The following DYSF variants were observed in gnomAD, a reference collection of about 807,000 sequenced individuals.
DYSF encodes the protein dystrophy-associated fer-1-like 1.
DYSF carries 212 observed loss-of-function variants against 274.9 expected under a neutral mutation model. The observed-to-expected ratio is 0.77, with a 90% confidence interval of 0.69 to 0.86. DYSF has a LOEUF of 0.86. Among genes scored for constraint, DYSF ranks in the 40% least tolerant of loss-of-function variants. DYSF has a pLI of 0.00. For synonymous variants in DYSF, 1,091 were observed against 1,078.7 expected, an observed-to-expected ratio of 1.01 and a Z score of -0.22; for missense variants, 2,666 against 2,783.2, an observed-to-expected ratio of 0.96 and a Z score of 0.95.
intron 4 of DYSF, among the ~76,000 whole-genome samples, chr2:71,505,833 A>G (rs1315353929): frequency 6.6e-6 from 1 of 152,272 alleles, no homozygotes; most frequent in Non-Finnish European, 1.5e-5. Context: ...TTAAAGCCAG[A>G]ATCGGATCAC....
intron 9 of DYSF, 136 bp from the exon 10 acceptor site, chr2:71,516,853 A>C (rs756419997): frequency 2.5e-4 from 212 of 845,288 alleles, no homozygotes; most frequent in Admixed American, 6.0e-4. Flanking sequence ...AGGGCTAAAC[A>C]CTGCTTAGAA....
chr2:71,625,358 G>A (rs571462178), intron 41 of DYSF, among the ~76,000 whole-genome samples: 18 of 152,188 alleles, frequency 1.2e-4, no homozygotes, highest in South Asian at 1.0e-3. Context: ...TTTTGCGTGC[G>A]TGTTAATTGT....
chr2:71,561,196 G>A (rs1009684424), intron 22 of DYSF, among the ~76,000 whole-genome samples: 1 of 152,166 alleles, frequency 6.6e-6, no homozygotes, highest in Non-Finnish European at 1.5e-5. Context: ...TCTGGGAAGG[G>A]TTCTGTTGTG....
At chr2:71,486,746 A>T (rs1246184676) in intron 3 of DYSF, among the ~76,000 whole-genome samples, 2 of 152,164 alleles carry the variant, frequency 1.3e-5, no homozygotes, top group African/African-American at 4.8e-5. Context: ...TCTGGCTAAA[A>T]TCAGGTTTCC....
At chr2:71,631,141 G>A (rs2094306609) in intron 41 of DYSF, among the ~76,000 whole-genome samples, 1 of 152,176 alleles carries the variant, frequency 6.6e-6, no homozygotes, top group African/African-American at 2.4e-5. Flanking sequence ...CTGAGCAAAG[G>A]AATCAATTAC....
chr2:71,557,402 G>A (rs1460816401), intron 22 of DYSF, among the ~76,000 whole-genome samples: 3 of 152,234 alleles, frequency 2.0e-5, no homozygotes, highest in African/African-American at 7.2e-5. Flanking sequence ...CTGGGTGGGG[G>A]AAGTGGCAGG....
Position 71,535,371 on chromosome 2 carries a change from C to T in DYSF, c.1493+60C>T, listed in dbSNP as rs1482547508. ...TGTCCTGAGGGGGCGCTGGGTCCCT[C>T]AGTTTCATTCGGCTCAGTGACTGGT... On this transcript the variant is annotated intron_variant, in intron 16 of 55. Coordinates refer to ENST00000410020, the MANE Select transcript of DYSF (RefSeq NM_001130987.2). 9 of 1,514,522 alleles carry T rather than the reference C, an allele frequency of 5.9e-6. No individual in the cohort carries two copies. The East Asian group carries it at 1.4e-4, about 23-fold the overall frequency. The allele number at this position is 1,514,522 out of a possible 1,614,324, so 93.8% of individuals were successfully genotyped here.
At chr2:71,480,798 C>A in intron 1 of DYSF, 85 bp from the exon 2 acceptor site, 1 of 1,271,106 alleles carries the variant, frequency 7.9e-7, no homozygotes, top group Non-Finnish European at 1.1e-6. Context: ...CAAGCTGAAG[C>A]ACAGGTCTCA....
At chr2:71,553,765 T>A (rs1051375635) in intron 20 of DYSF, 42 bp from the exon 21 acceptor site, 14 of 492,424 alleles carry the variant, frequency 2.8e-5, no homozygotes, top group Non-Finnish European at 3.7e-5. Context: ...CCACCCGCCC[T>A]CCACTCCTGG....
intron 30 of DYSF, among the ~76,000 whole-genome samples, chr2:71,577,523 C>CCCCACTCTCATGCAG (rs2092747263): frequency 1.5e-5 from 1 of 68,020 alleles, no homozygotes; most frequent in Non-Finnish European, 3.3e-5. Flanking sequence ...TCTCATGCAG[C>CCCCACTCTCATGCAG]CCCCCCACTC....
intron 30 of DYSF, among the ~76,000 whole-genome samples, chr2:71,588,080 G>C (rs2152840607): frequency 6.6e-6 from 1 of 152,336 alleles, no homozygotes; most frequent in Admixed American, 6.5e-5. Context: ...GGCACCTCTG[G>C]CTGTGGAACA....
chr2:71,566,077 C>T (rs769349480), intron 24 of DYSF, among the ~76,000 whole-genome samples: 4 of 152,174 alleles, frequency 2.6e-5, no homozygotes, highest in Non-Finnish European at 4.4e-5. Context: ...CCATTAGATT[C>T]TAACCTCCTG....
Position 71,665,234 on chromosome 2 carries a change from A to G in DYSF, c.5247A>G (p.Arg1749=), listed in dbSNP as rs750877853. ...TCCACCTCTTCTGCCAGCAGCATAG[A>G]GTCAAGGCACCTGTGTACCGGACAG... ...QLLHLFCQQH[R]VKAPVYRTDR... The change falls in exon 47 of 56, where the codon AGA becomes AGG. Residue 1749 remains arginine, a synonymous_variant. Transcript: ENST00000410020. The G allele has an allele frequency of 7.4e-6, 12 of 1,614,118 alleles. No homozygotes were observed. Among genetic ancestry groups the G allele is most frequent in the Non-Finnish European group, 9.3e-6 (11 of 1,180,028 alleles).
intron 55 of DYSF, among the ~76,000 whole-genome samples, chr2:71,685,774 C>G (rs943458588): frequency 4.6e-5 from 7 of 152,312 alleles, no homozygotes; most frequent in African/African-American, 1.7e-4. Context: ...TTGGCTTTCC[C>G]CAGCCGGCGC....
chr2:71,527,814 C>A (rs1375362873), intron 13 of DYSF, among the ~76,000 whole-genome samples: 9 of 151,460 alleles, frequency 5.9e-5, no homozygotes, highest in African/African-American at 2.2e-4. Flanking sequence ...CTGGCTGATT[C>A]AAAAAATAAT....
Position 71,662,615 on chromosome 2 carries a change from G to A in DYSF, c.5004-1653G>A, listed in dbSNP as rs1036859787. On this transcript the variant is annotated intron_variant, in intron 45 of 55. Coordinates refer to ENST00000410020, the MANE Select transcript of DYSF (RefSeq NM_001130987.2). The stretch of plus-strand genomic sequence containing the variant: ...TAGGTGTATGCGTCTGTGTGTGTCT[G>A]TGTGTCTGTGTGGCATGTGTGTATT... 8.8e-5 allele frequency among the ~76,000 whole-genome samples: 12 copies of A among 136,172 alleles called. No homozygotes were observed. The Admixed American group carries it at 8.8e-4, about 10-fold the overall frequency. 89.3% of individuals were successfully genotyped at this position (136,172 alleles called of 152,430 possible).
chr2:71,506,723 A>G (rs1050056011), intron 4 of DYSF, among the ~76,000 whole-genome samples: 34 of 152,086 alleles, frequency 2.2e-4, no homozygotes, highest in Non-Finnish European at 4.7e-4. Context: ...GGGCCCACTG[A>G]CACGCCCACT....
At chr2:71,648,548 A>G (rs2094603607) in intron 42 of DYSF, among the ~76,000 whole-genome samples, 1 of 152,220 alleles carries the variant, frequency 6.6e-6, no homozygotes, top group Non-Finnish European at 1.5e-5. Flanking sequence ...TAGTAAAAAA[A>G]ATTACAGAAA....
intron 30 of DYSF, among the ~76,000 whole-genome samples, chr2:71,579,462 G>A (rs942475470): frequency 6.6e-6 from 1 of 152,178 alleles, no homozygotes; most frequent in Non-Finnish European, 1.5e-5. Flanking sequence ...ATATTGGATG[G>A]AAAGTTGTGC....
Sources: allele counts gnomAD v4.1 joint callset (sites outside exome capture counted in the v4.1 genomes callset), GRCh38; gene constraint gnomAD v4.1.1; transcripts MANE v1.5; gene names NCBI Gene and HGNC (gene_info 2026-07-23, HGNC 2026-07-21).